The following UBASH3B variants were observed in gnomAD, a reference collection of about 807,000 sequenced individuals.
The protein encoded by UBASH3B is ubiquitin associated and SH3 domain containing B, also known as ubiquitin-associated and SH3 domain-containing protein B.
In UBASH3B, 37 loss-of-function variants were observed where a neutral mutation model predicts 83.4. The observed-to-expected ratio is 0.44, with a 90% CI of 0.34 to 0.58. UBASH3B has a LOEUF of 0.58. Ranked by LOEUF, UBASH3B falls within the 20% of genes least tolerant of loss-of-function variation. The probability of loss-of-function intolerance (pLI) is 0.01; values close to 1 mark genes in which losing one functional copy is unlikely to be tolerated. For missense variants in UBASH3B, 657 were observed against 827.2 expected, an observed-to-expected ratio of 0.79 and a Z score of 2.52; for synonymous variants, 304 against 318.3, an observed-to-expected ratio of 0.96 and a Z score of 0.48.
Position 122,812,258 on chromosome 11 carries a change from A to G in UBASH3B, c.*2372A>G, listed in dbSNP as rs938392935. ...CTTTCATTTCAATTTCATTATTTCA[A>G]ATTGCTTGTCAAAATGGCCCAAAAG... On this transcript the variant is annotated 3_prime_UTR_variant, in exon 14 of 14. Transcript: ENST00000284273. 6.6e-6 allele frequency: 1 copy of G among 152,242 alleles called. No homozygotes were observed. Among genetic ancestry groups the G allele is most frequent in the East Asian group, 1.9e-4 (1 of 5,208 alleles). 9.4% of individuals were successfully genotyped at this position (152,242 alleles called of 1,614,324 possible).
At chr11:122,757,293 C>T (rs1223618828) in intron 1 of UBASH3B, among the ~76,000 whole-genome samples, 1 of 152,112 alleles carries the variant, frequency 6.6e-6, no homozygotes, top group South Asian at 2.1e-4. Flanking sequence ...GTGAAAGAAA[C>T]CCCAGAGAGC....
At chr11:122,743,107 G>T (rs1861053871) in intron 1 of UBASH3B, among the ~76,000 whole-genome samples, 1 of 152,188 alleles carries the variant, frequency 6.6e-6, no homozygotes, top group Non-Finnish European at 1.5e-5. Context: ...TGGCCGTTCT[G>T]AGGTACCTGA....
At chr11:122,774,291 G>A (rs1333582271) in intron 1 of UBASH3B, 2 of 985,310 alleles carry the variant, frequency 2.0e-6, no homozygotes, top group East Asian at 2.3e-4. Context: ...TTACAGTGCT[G>A]TTCTCATTAG....
intron 1 of UBASH3B, among the ~76,000 whole-genome samples, chr11:122,663,588 C>G (rs749771614): frequency 3.3e-5 from 5 of 152,168 alleles, no homozygotes; most frequent in Non-Finnish European, 7.3e-5. Context: ...AATCCTGTGT[C>G]TCCCGCCAGC....
rs35529594 is a variant in UBASH3B at position 122,674,379 on chromosome 11, CTTTT to C, written c.161+18185_161+18188del. Among the ~76,000 whole-genome samples, 167 of 133,172 alleles carry C rather than the reference CTTTT, an allele frequency of 1.3e-3. 1 individual carries two copies. Among genetic ancestry groups the C allele is most frequent in the Non-Finnish European group, 1.1e-3 (68 of 63,108 alleles). The allele number at this position is 133,172 out of a possible 152,430, so 87.4% of individuals were successfully genotyped here. A position where few individuals can be genotyped will look rare whatever the true frequency, so the allele number is the denominator to read the frequency against. On this transcript the variant is annotated intron_variant, in intron 1 of 13. Transcript: ENST00000284273. The stretch of plus-strand genomic sequence containing the variant: ...ATGGCACCTTACAAACATTGTCTGT[CTTTT>C]TTTTTTTTTTTTTTTGAGACGGAGT...
chr11:122,798,517 T>A (rs1385779619), intron 9 of UBASH3B, among the ~76,000 whole-genome samples: 1 of 151,496 alleles, frequency 6.6e-6, no homozygotes, highest in African/African-American at 2.4e-5. Context: ...TCGAGACCAT[T>A]CTGGCCAACA....
chr11:122,720,674 G>GC (rs1454091954), intron 1 of UBASH3B, among the ~76,000 whole-genome samples: 1 of 152,054 alleles, frequency 6.6e-6, no homozygotes, highest in African/African-American at 2.4e-5. Flanking sequence ...ACACGCCATT[G>GC]CCTGGGGCCT....
chr11:122,702,080 T>G, intron 1 of UBASH3B, among the ~76,000 whole-genome samples: 1 of 152,224 alleles, frequency 6.6e-6, no homozygotes, highest in East Asian at 1.9e-4. Context: ...GGACAGATGC[T>G]GTGTTCTTTA....
At chr11:122,777,942 C>A (rs12226572) in intron 3 of UBASH3B, among the ~76,000 whole-genome samples, 5,830 of 152,078 alleles carry the variant, frequency 0.038, 164 homozygotes, top group East Asian at 0.12. Context: ...GTTGGCCAGG[C>A]TGGTCTTGAA....
intron 1 of UBASH3B, among the ~76,000 whole-genome samples, chr11:122,771,422 G>T (rs1183592278): frequency 2.0e-5 from 3 of 152,046 alleles, no homozygotes; most frequent in African/African-American, 4.8e-5. Context: ...TGTATTTTTA[G>T]TAGACACGGG....
At chr11:122,792,142 C>T (rs1324919358) in intron 6 of UBASH3B, among the ~76,000 whole-genome samples, 2 of 151,856 alleles carry the variant, frequency 1.3e-5, no homozygotes, top group Non-Finnish European at 2.9e-5. Context: ...GGCTGGCATT[C>T]GTCTTGCCAT....
intron 5 of UBASH3B, among the ~76,000 whole-genome samples, chr11:122,786,999 C>T (rs375393360): frequency 1.3e-5 from 2 of 152,036 alleles, no homozygotes; most frequent in Non-Finnish European, 2.9e-5. Flanking sequence ...GCTCCCCCCC[C>T]ACCGCCCCAC....
chr11:122,676,947 G>A (rs1268627493), intron 1 of UBASH3B, among the ~76,000 whole-genome samples: 1 of 152,106 alleles, frequency 6.6e-6, no homozygotes, highest in Admixed American at 6.5e-5. Context: ...GCTTATGTTT[G>A]TTGATGAATC....
chr11:122,689,047 G>A (rs1297855613), intron 1 of UBASH3B, among the ~76,000 whole-genome samples: 1 of 150,720 alleles, frequency 6.6e-6, no homozygotes, highest in African/African-American at 2.5e-5. Flanking sequence ...TGATCCACTT[G>A]CCTCGCCCTC....
intron 1 of UBASH3B, among the ~76,000 whole-genome samples, chr11:122,736,935 A>G (rs1860942996): frequency 6.6e-6 from 1 of 152,194 alleles, no homozygotes; most frequent in Non-Finnish European, 1.5e-5. Flanking sequence ...ATAAAGGATC[A>G]AGGAAAGCAA....
At chr11:122,703,903 A>G (rs975590256) in intron 1 of UBASH3B, among the ~76,000 whole-genome samples, 14 of 152,204 alleles carry the variant, frequency 9.2e-5, no homozygotes, top group African/African-American at 2.9e-4. Context: ...GAATTCTTCA[A>G]ATGTGACCTG....
At chr11:122,708,046 G>C (rs1342352792) in intron 1 of UBASH3B, among the ~76,000 whole-genome samples, 1 of 152,026 alleles carries the variant, frequency 6.6e-6, no homozygotes, top group Non-Finnish European at 1.5e-5. Flanking sequence ...TTCTTCTTTG[G>C]CTATCTCTTC....
intron 1 of UBASH3B, among the ~76,000 whole-genome samples, chr11:122,699,990 G>A (rs1054371987): frequency 6.6e-6 from 1 of 152,204 alleles, no homozygotes; most frequent in African/African-American, 2.4e-5. Flanking sequence ...CCAGAGCCCA[G>A]CAGTGGAACT....
rs946875595 is a variant in UBASH3B, at chr11:122,656,207, G to A, written c.158G>A (p.Arg53His). The change falls in exon 1 of 14, where the codon CGC becomes CAC. Residue 53 changes from arginine to histidine, a missense_variant. This residue lies in a region of UBASH3B where 6 missense variants were observed against 19.9 expected (regional missense o/e 0.30). Coordinates refer to ENST00000284273, the MANE Select transcript of UBASH3B (RefSeq NM_032873.5). ...CTCTCCATGGGGTTCCCCAGAGCCC[G>A]CGCGTAAGTGGCCGGGCTCGCAGCC... is the stretch of plus-strand genomic sequence containing the variant. ...VLLSMGFPRA[R>H]AQKALASTGG... is the part of the protein sequence containing the mutation. The A allele has an allele frequency of 6.8e-7, 1 of 1,463,036 alleles. No individual in the cohort carries two copies. The highest frequency in any genetic ancestry group is 9.1e-7 in the Non-Finnish European group (1 of 1,102,744). 90.6% of individuals were successfully genotyped at this position (1,463,036 alleles called of 1,614,324 possible). A position where few individuals can be genotyped will look rare whatever the true frequency, so the allele number is the denominator to read the frequency against.
Sources: gnomAD v4.1 joint callset for allele counts (sites outside exome capture counted in the v4.1 genomes callset) on GRCh38, gnomAD v4.1.1 for gene constraint, gnomAD v4.1.1 regional missense constraint, MANE v1.5 for transcripts, NCBI Gene and HGNC (gene_info 2026-07-23, HGNC 2026-07-21) for gene names.